ZFHX3: variants seen among roughly 807,000 people sequenced by gnomAD.
ZFHX3 encodes the protein zinc finger homeobox 3.
A neutral mutation model predicts 279.1 loss-of-function variants in ZFHX3; 42 were observed. That is an observed-to-expected ratio of 0.15 (90% confidence interval 0.12 to 0.19). The LOEUF (loss-of-function observed/expected upper bound fraction) is 0.19. ZFHX3 is among the 10% of genes least tolerant of loss of function. ZFHX3 has a pLI of 1.00. For missense variants in ZFHX3, 4,981 were observed against 4,754.0 expected, an observed-to-expected ratio of 1.05 and a Z score of -1.40; for synonymous variants, 2,293 against 1,957.8, an observed-to-expected ratio of 1.17 and a Z score of -4.52.
chr16:72,968,107 A>T (rs115924392), intron 1 of ZFHX3, among the ~76,000 whole-genome samples: 58 of 152,148 alleles, frequency 3.8e-4, no homozygotes, highest in African/African-American at 1.4e-3. Context: ...GCAGTGGGGC[A>T]AACAGACGTC....
At chr16:73,177,679 G>T (rs902431621) in intron 5 of ZFHX3, among the ~76,000 whole-genome samples, 3 of 152,204 alleles carry the variant, frequency 2.0e-5, no homozygotes, top group Non-Finnish European at 1.5e-5. Flanking sequence ...TTTGGGTAGT[G>T]GACTTGAATA....
At position 72,811,944 on chromosome 16, in the gene ZFHX3, C is replaced by T. The variant is rs140481719; in HGVS notation, c.3624G>A (p.Ser1208=). The change falls in exon 6 of 10, where the codon TCG becomes TCA. Residue 1208 remains serine (S), a synonymous_variant. Coordinates refer to ENST00000268489, the MANE Select transcript of ZFHX3 (RefSeq NM_006885.4). ...TCTCCTCAGCTGTTTTTGGTCGCTT[C>T]GAAGAGAGGGGAGACTCTGAGCTAC... ...FPGSSESPLS[S]KRPKTAEEIK... The T allele has an allele frequency of 2.9e-5, 46 of 1,613,770 alleles. No homozygotes were observed. The highest frequency in any genetic ancestry group is 6.7e-5 in the Admixed American group (4 of 59,984).
chr16:72,867,172 G>A (rs1292389302), intron 4 of ZFHX3, among the ~76,000 whole-genome samples: 1 of 152,216 alleles, frequency 6.6e-6, no homozygotes, highest in South Asian at 2.1e-4. Context: ...ACAGGAAGCT[G>A]AGGAAGCTGT....
chr16:73,888,720 T>C (rs1188915904), intron 1 of ZFHX3, among the ~76,000 whole-genome samples: 1 of 152,188 alleles, frequency 6.6e-6, no homozygotes. Context: ...AAGATACTTC[T>C]GTGGGCAGCT....
rs527608967 is a variant in ZFHX3 at position 73,340,054 on chromosome 16, G to A, written c.-1290-21718C>T. Among the ~76,000 whole-genome samples, 8 of 152,318 alleles carry A rather than the reference G, an allele frequency of 5.3e-5. No homozygotes were observed. In the South Asian group the frequency reaches 1.0e-3, roughly 20 times the overall value. On this transcript the variant is annotated intron_variant, in intron 3 of 17. Transcript: ENST00000641206. Reference sequence around the variant, plus strand: ...CCTAGCACCTGACAGCTCAGAGGGAGGTGAGCAAGTAGAACTCTGGGATCA... The same window carrying A: ...CCTAGCACCTGACAGCTCAGAGGGAAGTGAGCAAGTAGAACTCTGGGATCA...
At chr16:73,084,678 C>T (rs991850680) in intron 8 of ZFHX3, among the ~76,000 whole-genome samples, 18 of 151,866 alleles carry the variant, frequency 1.2e-4, no homozygotes, top group Admixed American at 2.6e-4. Context: ...CCACCATGCC[C>T]GGCTAATTTT....
chr16:73,403,831 G>A (rs566277979), intron 3 of ZFHX3, among the ~76,000 whole-genome samples: 1 of 152,306 alleles, frequency 6.6e-6, no homozygotes, highest in East Asian at 1.9e-4. Context: ...TGGAGTTCAG[G>A]CCAAGAGCCA....
intron 7 of ZFHX3, among the ~76,000 whole-genome samples, chr16:73,124,877 G>A (rs546882937): frequency 6.6e-6 from 1 of 152,156 alleles, no homozygotes; most frequent in Admixed American, 6.5e-5. Flanking sequence ...GTTCTGCAGT[G>A]ACATGGCTGG....
At chr16:73,051,432 C>G (rs2144727248), upstream of ZFHX3, among the ~76,000 whole-genome samples, 1 of 152,314 alleles carries the variant, frequency 6.6e-6, no homozygotes, top group Admixed American at 6.5e-5. Flanking sequence ...CTCAGAACAG[C>G]TCACATTTGC....
At chr16:72,962,720 T>G (rs1044492634) in intron 1 of ZFHX3, among the ~76,000 whole-genome samples, 1 of 152,070 alleles carries the variant, frequency 6.6e-6, no homozygotes, top group African/African-American at 2.4e-5. Context: ...TCAGGGACCA[T>G]GCATTAAACT....
At chr16:73,814,910 T>C (rs892538439) in intron 1 of ZFHX3, among the ~76,000 whole-genome samples, 1 of 152,144 alleles carries the variant, frequency 6.6e-6, no homozygotes, top group Non-Finnish European at 1.5e-5. Context: ...ATCCCACATA[T>C]ACTGAAACAC....
At chr16:73,347,445 G>A (rs1301427290) in intron 3 of ZFHX3, among the ~76,000 whole-genome samples, 1 of 152,200 alleles carries the variant, frequency 6.6e-6, no homozygotes, top group Non-Finnish European at 1.5e-5. Context: ...GGGCATCAGG[G>A]ACTCAGCCTG....
chr16:73,056,157 TCC>T, intron 1 of ZFHX3, among the ~76,000 whole-genome samples: 1 of 152,102 alleles, frequency 6.6e-6, no homozygotes, highest in East Asian at 1.9e-4. Flanking sequence ...CAAAACTGAC[TCC>T]GTGTACACTT....
At chr16:73,223,876 A>G (rs560370884) in intron 5 of ZFHX3, among the ~76,000 whole-genome samples, 2 of 152,350 alleles carry the variant, frequency 1.3e-5, no homozygotes, top group South Asian at 2.1e-4. Flanking sequence ...GCTAAAAAGG[A>G]ACACACTATC....
intron 3 of ZFHX3, among the ~76,000 whole-genome samples, chr16:72,895,366 A>G (rs939552796): frequency 3.3e-5 from 5 of 152,224 alleles, no homozygotes; most frequent in Non-Finnish European, 7.3e-5. Context: ...TACTAATGAG[A>G]AAGCGAGACC....
chr16:73,302,823 C>T (rs2015087701), intron 4 of ZFHX3, among the ~76,000 whole-genome samples: 1 of 152,160 alleles, frequency 6.6e-6, no homozygotes, highest in Non-Finnish European at 1.5e-5. Context: ...TGGCCACATC[C>T]CTCAGGACAG....
chr16:72,904,274 G>C (rs1398714059), intron 3 of ZFHX3, among the ~76,000 whole-genome samples: 2 of 151,910 alleles, frequency 1.3e-5, no homozygotes, highest in Non-Finnish European at 2.9e-5. Context: ...GCTGAGGCAG[G>C]AGAATTTCTT....
intron 4 of ZFHX3, among the ~76,000 whole-genome samples, chr16:72,867,719 AG>A (rs1213353323): frequency 0.014 from 152 of 10,516 alleles, no homozygotes; most frequent in Non-Finnish European, 0.043. Context: ...ACTCTTTGAC[AG>A]GGGAAAAAAA....
Position 73,344,962 on chromosome 16 carries a change from A to C in ZFHX3, c.-1290-26626T>G, listed in dbSNP as rs557677271. ...CCTGCTTGTGAATCTGGGGAGCTGC[A>C]GAGAGAACCTGGGTCCCTTGGGCCT... On this transcript the variant is annotated intron_variant, in intron 3 of 17. Coordinates refer to the ZFHX3 transcript ENST00000641206. Among the ~76,000 whole-genome samples, 21 of 152,296 alleles carry C rather than the reference A, an allele frequency of 1.4e-4. No homozygotes were observed. The South Asian group carries it at 4.4e-3, about 32-fold the overall frequency.
Sources: allele counts gnomAD v4.1 joint callset (sites outside exome capture counted in the v4.1 genomes callset), GRCh38; gene constraint gnomAD v4.1.1; transcripts MANE v1.5; gene names NCBI Gene and HGNC (gene_info 2026-07-23, HGNC 2026-07-21).